SYCP1: variants seen among roughly 807,000 people sequenced by gnomAD.
SYCP1 encodes cancer/testis antigen 8.
In SYCP1, 64 loss-of-function variants were observed where a neutral mutation model predicts 153.1. The ratio of observed to expected loss-of-function variants is 0.42; its 90% CI spans 0.34 to 0.51. The LOEUF is 0.51. Ranked by LOEUF, SYCP1 falls within the 20% of genes least tolerant of loss-of-function variation. The pLI is 0.06. For synonymous variants in SYCP1, 384 were observed against 341.8 expected, an observed-to-expected ratio of 1.12 and a Z score of -1.36; for missense variants, 997 against 1,049.0, an observed-to-expected ratio of 0.95 and a Z score of 0.68.
chr1:114,984,799 T>C lies in SYCP1; in HGVS notation c.2634T>C (p.Ser878=). The C allele has an allele frequency of 6.6e-7, 1 of 1,509,622 alleles. No individual in the cohort carries two copies. The highest frequency in any genetic ancestry group is 2.2e-5 in the Admixed American group (1 of 46,350). The allele number at this position is 1,509,622 out of a possible 1,614,324, so 93.5% of individuals were successfully genotyped here. A position where few individuals can be genotyped will look rare whatever the true frequency, so the allele number is the denominator to read the frequency against. ...RENLNIPIEE[S]KKKRKMAFEF... is the part of the protein sequence containing the mutation. ...ACTTGAATATACCCATTGAAGAAAG[T>C]AAAAAAAAGAGAAAAATGGCCTTTG... is the stretch of plus-strand genomic sequence containing the variant. The change falls in exon 30 of 32, where the codon AGT becomes AGC. Residue 878 remains serine, a synonymous_variant. Transcript: ENST00000369522.
intron 3 of SYCP1, 69 bp downstream of exon 3, chr1:114,856,726 G>C (rs532453460): frequency 8.7e-7 from 1 of 1,150,402 alleles, no homozygotes; most frequent in African/African-American, 1.6e-5. Flanking sequence ...GATAGTTATT[G>C]AAAATGTAAC....
intron 8 of SYCP1, among the ~76,000 whole-genome samples, chr1:114,871,096 C>T (rs561580237): frequency 2.6e-5 from 4 of 151,832 alleles, no homozygotes; most frequent in African/African-American, 9.7e-5. Context: ...TAATCCAAGT[C>T]GACTTTCAAA....
chr1:114,995,135 C>A lies in SYCP1; in HGVS notation c.*116C>A. The A allele has an allele frequency of 9.9e-7, 1 of 1,007,502 alleles. No homozygotes were observed. Among genetic ancestry groups the A allele is most frequent in the Non-Finnish European group, 1.4e-6 (1 of 722,666 alleles). The allele number at this position is 1,007,502 out of a possible 1,614,324, so 62.4% of individuals were successfully genotyped here. On this transcript the variant is annotated 3_prime_UTR_variant, in exon 32 of 32. Coordinates refer to ENST00000369522, the MANE Select transcript of SYCP1 (RefSeq NM_003176.4). ...GAAGTTGAGACTTAAAAAATACTTG[C>A]ATGAATGATTTGTGTTTCTTTATAT...
chr1:114,873,717 G>C (rs1421716183), intron 8 of SYCP1, among the ~76,000 whole-genome samples: 4 of 152,132 alleles, frequency 2.6e-5, no homozygotes, highest in Non-Finnish European at 1.5e-5. Flanking sequence ...AAACTCACAA[G>C]AATCTGGGGC....
intron 23 of SYCP1, among the ~76,000 whole-genome samples, chr1:114,928,373 CA>C (rs1261960930): frequency 1.3e-5 from 2 of 152,046 alleles, no homozygotes; most frequent in Non-Finnish European, 2.9e-5. Context: ...GGTCAGATGA[CA>C]AAGGAATGAC....
chr1:114,926,230 C>A, intron 21 of SYCP1, 48 bp from the exon 22 acceptor site: 3 of 1,324,188 alleles, frequency 2.3e-6, no homozygotes, highest in South Asian at 2.1e-5. Flanking sequence ...TTGCCTGTTT[C>A]AACTGGTATA....
intron 20 of SYCP1, among the ~76,000 whole-genome samples, chr1:114,914,601 TG>T (rs1456769722): frequency 6.6e-6 from 1 of 152,146 alleles, no homozygotes; most frequent in Non-Finnish European, 1.5e-5. Flanking sequence ...CAAGCTATCA[TG>T]AACAACATAC....
chr1:114,906,964 C>T (rs955121665), intron 16 of SYCP1, among the ~76,000 whole-genome samples: 1 of 152,072 alleles, frequency 6.6e-6, no homozygotes, highest in Non-Finnish European at 1.5e-5. Flanking sequence ...GTTTATTTAT[C>T]TATTTAATTC....
At chr1:114,855,267 G>T (rs1663856226) in intron 1 of SYCP1, 174 bp from the exon 2 acceptor site, 1 of 361,686 alleles carries the variant, frequency 2.8e-6, no homozygotes, top group Non-Finnish European at 5.0e-6. Context: ...GGTTTATTCC[G>T]TTGCCCACTC....
At chr1:114,854,305 G>A (rs187632971), upstream of SYCP1, among the ~76,000 whole-genome samples, 19 of 152,134 alleles carry the variant, frequency 1.2e-4, no homozygotes, top group East Asian at 3.5e-3. Context: ...CACCACACCC[G>A]GCTATTTTAG....
At chr1:114,920,701 T>A (rs952111775) in intron 20 of SYCP1, among the ~76,000 whole-genome samples, 1 of 152,230 alleles carries the variant, frequency 6.6e-6, no homozygotes, top group Non-Finnish European at 1.5e-5. Flanking sequence ...ATTCTCTAGC[T>A]GAATTCATCC....
chr1:114,946,375 A>G lies in SYCP1; in HGVS notation c.2241A>G (p.Ala747=). The change falls in exon 26 of 32, where the codon GCA becomes GCG. Residue 747 remains alanine, a synonymous_variant. Coordinates refer to ENST00000369522, the MANE Select transcript of SYCP1 (RefSeq NM_003176.4). ...AACAAGAACAGTCATCACTGAGAGC[A>G]TCTTTGGTGAGATACAGAAAAAATT... ...SKEQEQSSLR[A]SLEIELSNLK... The G allele has an allele frequency of 1.9e-6, 3 of 1,580,238 alleles. No homozygotes were observed. The highest frequency in any genetic ancestry group is 2.6e-6 in the Non-Finnish European group (3 of 1,166,380).
At chr1:114,886,091 T>C in intron 13 of SYCP1, 34 bp from the exon 14 acceptor site, 1 of 1,474,282 alleles carries the variant, frequency 6.8e-7, no homozygotes, top group South Asian at 1.4e-5. Flanking sequence ...GGCCTTTGGA[T>C]CATTGCTCTT....
intron 27 of SYCP1, among the ~76,000 whole-genome samples, chr1:114,966,279 C>A (rs1490054570): frequency 1.3e-5 from 2 of 151,892 alleles, no homozygotes; most frequent in East Asian, 3.9e-4. Flanking sequence ...TTTTGTTAAT[C>A]TTTTCAAAAA....
At chr1:114,921,538 G>T (rs1229358960) in intron 20 of SYCP1, among the ~76,000 whole-genome samples, 1 of 151,856 alleles carries the variant, frequency 6.6e-6, no homozygotes, top group Non-Finnish European at 1.5e-5. Flanking sequence ...AATTAGCCGG[G>T]TGTGGTGGCG....
intron 18 of SYCP1, among the ~76,000 whole-genome samples, chr1:114,912,222 G>A (rs948053195): frequency 6.6e-6 from 1 of 151,926 alleles, no homozygotes; most frequent in East Asian, 1.9e-4. Context: ...AGGGCCCTAG[G>A]TTAAACTCAT....
At chr1:114,949,879 T>G (rs77486164) in intron 27 of SYCP1, among the ~76,000 whole-genome samples, 2,387 of 152,284 alleles carry the variant, frequency 0.016, 65 homozygotes, top group African/African-American at 0.054. Context: ...AAAAATAATT[T>G]AGGACCTCCA....
intron 13 of SYCP1, 93 bp downstream of exon 13, chr1:114,885,722 C>T (rs981362608): frequency 6.9e-6 from 5 of 721,760 alleles, no homozygotes; most frequent in Non-Finnish European, 1.1e-5. Flanking sequence ...GTACAAGGAC[C>T]TGGAGTTTCA....
At chr1:114,993,517 T>A (rs1674063177) in intron 30 of SYCP1, among the ~76,000 whole-genome samples, 1 of 151,534 alleles carries the variant, frequency 6.6e-6, no homozygotes, top group Non-Finnish European at 1.5e-5. Flanking sequence ...AATATTTGTA[T>A]GCCTGAGTTT....
Sources: gnomAD v4.1 joint callset for allele counts (sites outside exome capture counted in the v4.1 genomes callset) on GRCh38, gnomAD v4.1.1 for gene constraint, MANE v1.5 for transcripts, NCBI Gene and HGNC (gene_info 2026-07-23, HGNC 2026-07-21) for gene names.